Variants in COL4A5 observed in about 807,000 individuals in gnomAD.
COL4A5 encodes the protein collagen type IV alpha 5 chain, also known as collagen alpha-5(IV) chain.
Under a neutral mutation model 130.2 loss-of-function variants are expected in COL4A5, and 26 were observed. The ratio of observed to expected loss-of-function variants is 0.20; its 90% CI spans 0.15 to 0.28. COL4A5 has a LOEUF of 0.28. Among genes scored for constraint, COL4A5 ranks in the 10% least tolerant of loss-of-function variants. The pLI is 1.00. For missense variants in COL4A5, 1,131 were observed against 1,344.3 expected (o/e 0.84, Z 2.48); for synonymous variants, 496 against 439.6 (o/e 1.13, Z -1.60).
At chrX:108,512,768 G>T (rs1452270668) in intron 1 of COL4A5, among the ~76,000 whole-genome samples, 1 of 111,394 alleles carries the variant, frequency 9.0e-6, no homozygotes, top group Non-Finnish European at 1.9e-5. Context: ...GGACCCGGGC[G>T]AAATTAAAAT....
At chrX:108,650,978 TG>T (rs776211757) in intron 36 of COL4A5, among the ~76,000 whole-genome samples, 7 of 111,406 alleles carry the variant, frequency 6.3e-5, no homozygotes, top group Admixed American at 9.6e-5. Flanking sequence ...TCCCATACAC[TG>T]GAATATCATT....
intron 36 of COL4A5, among the ~76,000 whole-genome samples, chrX:108,651,360 A>G (rs2067724746): frequency 8.9e-6 from 1 of 112,362 alleles, no homozygotes; most frequent in South Asian, 3.6e-4. Flanking sequence ...AGTTATTTTA[A>G]AACAATGCAC....
chrX:108,571,300 T>G, intron 6 of COL4A5, 113 bp from the exon 7 acceptor site: 1 of 564,626 alleles, frequency 1.8e-6, no homozygotes, highest in African/African-American at 2.2e-5. Context: ...TTTGGCAATC[T>G]GGCATGTTTC....
At chrX:108,644,481 T>C (rs2067533173) in intron 36 of COL4A5, among the ~76,000 whole-genome samples, 1 of 112,269 alleles carries the variant, frequency 8.9e-6, no homozygotes, top group African/African-American at 3.2e-5. Flanking sequence ...GACCATATGA[T>C]AGGCCATAAA....
chrX:108,525,036 A>G (rs2065299493), intron 1 of COL4A5, among the ~76,000 whole-genome samples: 2 of 111,696 alleles, frequency 1.8e-5, no homozygotes, highest in Non-Finnish European at 3.8e-5. Context: ...CAAGTCCTCT[A>G]TTTCCTTGTT....
chrX:108,661,021 C>G (rs1382344284), intron 37 of COL4A5, among the ~76,000 whole-genome samples: 1 of 111,960 alleles, frequency 8.9e-6, no homozygotes, highest in Non-Finnish European at 1.9e-5. Flanking sequence ...TAATTGCCTA[C>G]AGGATGCAGT....
At chrX:108,454,732 T>C (rs2064565389) in intron 1 of COL4A5, among the ~76,000 whole-genome samples, 1 of 111,406 alleles carries the variant, frequency 9.0e-6, no homozygotes, top group African/African-American at 3.3e-5. Flanking sequence ...TCTAAGATTC[T>C]GTTTTTTCTG....
intron 1 of COL4A5, among the ~76,000 whole-genome samples, chrX:108,503,952 A>G (rs1290044406): frequency 8.9e-6 from 1 of 112,195 alleles, no homozygotes; most frequent in Non-Finnish European, 1.9e-5. Context: ...CCTAAACCAA[A>G]AGAACAAATC....
chrX:108,646,396 T>A (rs2147916269), intron 36 of COL4A5, among the ~76,000 whole-genome samples: 1 of 112,153 alleles, frequency 8.9e-6, no homozygotes, highest in African/African-American at 3.2e-5. Context: ...AAGTGTCTGT[T>A]CATATACTTT....
chrX:108,489,237 A>AT (rs1758743041), intron 1 of COL4A5, among the ~76,000 whole-genome samples: 1 of 111,859 alleles, frequency 8.9e-6, no homozygotes, highest in African/African-American at 3.2e-5. Flanking sequence ...GTGTTGACTG[A>AT]TTCATAAATG....
chrX:108,542,576 A>G (rs958505172), intron 2 of COL4A5, among the ~76,000 whole-genome samples: 22 of 110,224 alleles, frequency 2.0e-4, no homozygotes, highest in African/African-American at 6.5e-4. Context: ...ATACATGTGC[A>G]TGTGTCTTTA....
intron 41 of COL4A5, among the ~76,000 whole-genome samples, chrX:108,669,653 C>A (rs1011770595): frequency 6.3e-5 from 7 of 111,791 alleles, no homozygotes; most frequent in African/African-American, 3.2e-5. Flanking sequence ...TGCAGTAATT[C>A]AAATAAACCA....
chrX:108,643,025 G>A (rs1490147708), intron 36 of COL4A5, among the ~76,000 whole-genome samples: 3 of 111,011 alleles, frequency 2.7e-5, no homozygotes, highest in Admixed American at 9.6e-5. Flanking sequence ...ACAACAATTG[G>A]ATGGAGAAAT....
chrX:108,534,006 G>C (rs1359027906), intron 1 of COL4A5, among the ~76,000 whole-genome samples: 1 of 110,474 alleles, frequency 9.1e-6, no homozygotes, highest in Non-Finnish European at 1.9e-5. Context: ...TCTTATCCCA[G>C]TCAAAATGGC....
chrX:108,678,091 C>T (rs1375661846), intron 44 of COL4A5, among the ~76,000 whole-genome samples: 1 of 111,574 alleles, frequency 9.0e-6, no homozygotes, highest in Non-Finnish European at 1.9e-5. Flanking sequence ...GGGTTTCTGT[C>T]TTCACCTATA....
intron 1 of COL4A5, among the ~76,000 whole-genome samples, chrX:108,473,456 T>A (rs1279656808): frequency 9.3e-6 from 1 of 107,094 alleles, no homozygotes; most frequent in East Asian, 2.9e-4. Context: ...GACAGTGATA[T>A]TGATGATTCT....
chrX:108,663,343 A>G (rs954393122), intron 37 of COL4A5, among the ~76,000 whole-genome samples: 2 of 111,949 alleles, frequency 1.8e-5, no homozygotes, highest in Non-Finnish European at 3.8e-5. Context: ...TTTGCATGGT[A>G]TATTCACTGA....
intron 23 of COL4A5, 146 bp downstream of exon 23, chrX:108,597,214 A>C (rs2066533907): frequency 2.7e-6 from 2 of 749,649 alleles, no homozygotes; most frequent in African/African-American, 4.2e-5. Context: ...ACTCTTCCTG[A>C]CTCACATGCC....
intron 41 of COL4A5, among the ~76,000 whole-genome samples, chrX:108,669,471 G>C (rs2147961668): frequency 9.0e-6 from 1 of 111,717 alleles, no homozygotes; most frequent in East Asian, 2.8e-4. Context: ...GTGTTCAGAG[G>C]ATCATTTTCA....
Sources: allele counts gnomAD v4.1 joint callset (sites outside exome capture counted in the v4.1 genomes callset), GRCh38; gene constraint gnomAD v4.1.1; transcripts MANE v1.5; gene names NCBI Gene and HGNC (gene_info 2026-07-23, HGNC 2026-07-21).